PLXNA1: variants seen among roughly 807,000 people sequenced by gnomAD.
PLXNA1 encodes plexin A1.
PLXNA1 carries 77 observed loss-of-function variants against 191.7 expected under a neutral mutation model. That is an observed-to-expected ratio of 0.40 (90% CI 0.33 to 0.49). PLXNA1 has a LOEUF of 0.49. Among genes scored for constraint, PLXNA1 ranks in the 20% least tolerant of loss-of-function variants. The pLI is 0.63. For missense variants in PLXNA1, 2,110 were observed against 2,660.2 expected (o/e 0.79, Z 4.55); for synonymous variants, 1,137 against 1,156.4 (o/e 0.98, Z 0.34).
rs1313941332 is a variant in PLXNA1, at chr3:127,016,513, C to T, written c.3015-4C>T. On this transcript the variant is annotated splice_region_variant and splice_polypyrimidine_tract_variant and intron_variant, in intron 15 of 31. Transcript: ENST00000393409. The stretch of plus-strand genomic sequence containing the variant: ...TCCTCACTGTCCCACTCGGGCACCT[C>T]CAGGAGGAACTCCCGTGAGATCCGG... The T allele has an allele frequency of 1.2e-6, 2 of 1,613,358 alleles. No individual in the cohort carries two copies. The highest frequency in any genetic ancestry group is 1.7e-6 in the Non-Finnish European group (2 of 1,179,872).
intron 26 of PLXNA1, 38 bp downstream of exon 26, chr3:127,029,134 T>G: frequency 6.6e-7 from 1 of 1,505,514 alleles, no homozygotes; most frequent in Non-Finnish European, 9.2e-7. Context: ...CAGGCCTCCC[T>G]CCCCTTGGGG....
chr3:127,005,169 G>A lies in PLXNA1; in HGVS notation c.1823G>A (p.Ser608Asn). 6.2e-7 allele frequency: 1 copy of A among 1,612,652 alleles called. No homozygotes were observed. The highest frequency in any genetic ancestry group is 8.5e-7 in the Non-Finnish European group (1 of 1,179,914). ...CSFEDFTESE[S>N]VLEDGRIHCR... ...TTCGAGGACTTCACGGAATCTGAGAGCGTCCTGGAGGATGGCCGGATCCAC... is the reference window on the plus strand; with the variant it reads ...TTCGAGGACTTCACGGAATCTGAGAACGTCCTGGAGGATGGCCGGATCCAC... Residue 608 changes from serine (S) to asparagine (N), a missense_variant, in exon 7 of 32, where the codon AGC (serine) becomes AAC (asparagine). Ser to Asn is a conservative substitution (Grantham distance 46, BLOSUM62 1). This residue lies in a region of PLXNA1 where 903 missense variants were observed against 1,015.7 expected (regional missense o/e 0.89). Transcript: ENST00000393409.
At chr3:127,004,115 C>A (rs2079053881) in intron 4 of PLXNA1, among the ~76,000 whole-genome samples, 1 of 152,234 alleles carries the variant, frequency 6.6e-6, no homozygotes, top group African/African-American at 2.4e-5. Flanking sequence ...TTTCCTCTGC[C>A]CCTCCTGGGC....
Position 126,989,235 on chromosome 3 carries a change from C to T in PLXNA1, c.642C>T (p.Asp214=), listed in dbSNP as rs886820679. 7 of 1,613,550 alleles carry T rather than the reference C, an allele frequency of 4.3e-6. No individual in the cohort carries two copies. The highest frequency in any genetic ancestry group is 5.9e-6 in the Non-Finnish European group (7 of 1,180,058). ...RRLMANEEDA[D]MFGFVYQDEF... ...TCATGGCCAACGAGGAGGATGCCGA[C>T]ATGTTCGGCTTCGTGTACCAGGATG... Residue 214 remains aspartate, a synonymous_variant, in exon 2 of 32, where the codon GAC becomes GAT. Coordinates refer to ENST00000393409, the MANE Select transcript of PLXNA1 (RefSeq NM_032242.4).
intron 3 of PLXNA1, among the ~76,000 whole-genome samples, chr3:126,997,691 G>A (rs1370973348): frequency 2.6e-5 from 4 of 152,238 alleles, no homozygotes; most frequent in African/African-American, 4.8e-5. Flanking sequence ...TGCAGGGAGC[G>A]ACCTGCTGTT....
At chr3:127,027,165 G>A (rs923846491) in intron 23 of PLXNA1, 10 of 191,596 alleles carry the variant, frequency 5.2e-5, no homozygotes, top group Non-Finnish European at 1.1e-4. Flanking sequence ...GTCCACAAGG[G>A]CCCATGAAGA....
intron 14 of PLXNA1, 84 bp from the exon 15 acceptor site, chr3:127,015,100 G>A: frequency 7.2e-6 from 11 of 1,532,960 alleles, no homozygotes; most frequent in Non-Finnish European, 8.8e-6. Flanking sequence ...TGTCTGTGGG[G>A]GTAAGCAGGC....
At chr3:127,016,711 A>C (rs751975307) in intron 16 of PLXNA1, 27 bp downstream of exon 16, 4 of 1,612,066 alleles carry the variant, frequency 2.5e-6, no homozygotes, top group African/African-American at 1.3e-5. Context: ...CCCATTCCCT[A>C]TCCCCAGCTA....
At chr3:127,029,348 G>T in intron 26 of PLXNA1, 92 bp from the exon 27 acceptor site, 1 of 1,190,992 alleles carries the variant, frequency 8.4e-7, no homozygotes, top group South Asian at 1.2e-5. Flanking sequence ...CACAGCACTA[G>T]GGTGTCACCG....
intron 3 of PLXNA1, among the ~76,000 whole-genome samples, chr3:126,995,378 C>T (rs995129440): frequency 6.6e-6 from 1 of 152,354 alleles, no homozygotes; most frequent in East Asian, 1.9e-4. Context: ...GGTCCTGTAG[C>T]ATCAGCCCAA....
chr3:127,006,316 G>A, intron 8 of PLXNA1, 138 bp downstream of exon 8: 1 of 707,150 alleles, frequency 1.4e-6, no homozygotes, highest in South Asian at 1.7e-5. Context: ...CATGATTGGG[G>A]CTCCTGAGGC....
At chr3:127,020,169 G>T (rs891762) in intron 20 of PLXNA1, 33 bp from the exon 21 acceptor site, 1,027,109 of 1,606,480 alleles carry the variant, frequency 0.64, 337,347 homozygotes, top group Non-Finnish European at 0.68. Flanking sequence ...GGCCACCAGG[G>T]CATGCTGCCC....
chr3:127,022,514 G>A (rs1271646214), intron 22 of PLXNA1, among the ~76,000 whole-genome samples, 173 bp downstream of exon 22: 2 of 152,184 alleles, frequency 1.3e-5, no homozygotes, highest in Non-Finnish European at 2.9e-5. Context: ...TGATAGTGAG[G>A]ACCCAGGCTG....
chr3:127,006,278 C>T (rs2079068761), intron 8 of PLXNA1, 100 bp downstream of exon 8: 1 of 907,948 alleles, frequency 1.1e-6, no homozygotes. Context: ...GACCTGTCCT[C>T]ATGTGGCCAG....
chr3:127,003,900 C>T (rs561037623), intron 4 of PLXNA1, among the ~76,000 whole-genome samples: 231 of 152,284 alleles, frequency 1.5e-3, no homozygotes, highest in Non-Finnish European at 2.8e-3. Context: ...CTGTGGCTGG[C>T]CTGGTCTACC....
intron 15 of PLXNA1, among the ~76,000 whole-genome samples, chr3:127,016,154 G>T (rs534968449): frequency 6.6e-6 from 1 of 151,994 alleles, no homozygotes; most frequent in Non-Finnish European, 1.5e-5. Context: ...TGCGTGGGAC[G>T]GGCCTGCTGC....
rs116977419 is a variant in PLXNA1 at position 127,012,092 on chromosome 3, G to A, written c.2247G>A (p.Pro749=). 176 of 1,613,568 alleles carry A rather than the reference G, an allele frequency of 1.1e-4. No individual in the cohort carries two copies. In the African/African-American group the frequency reaches 1.9e-3, roughly 17 times the overall value. The part of the protein sequence containing the change: ...QRGYECLFHI[P]GSPARVTALR... ...GATATGAGTGCCTCTTCCACATCCC[G>A]GGCAGCCCGGCCCGTGTCACCGCCC... Residue 749 remains proline (P), a synonymous_variant, in exon 10 of 32, where the codon CCG becomes CCA. Transcript: ENST00000393409.
At chr3:127,011,831 C>T (rs2079097127) in intron 9 of PLXNA1, 127 bp from the exon 10 acceptor site, 2 of 878,668 alleles carry the variant, frequency 2.3e-6, no homozygotes, top group Admixed American at 3.8e-5. Flanking sequence ...TTTGCCAGTG[C>T]ATAAAATGGG....
At chr3:126,991,043 A>T (rs1031480468) in intron 2 of PLXNA1, among the ~76,000 whole-genome samples, 1 of 152,058 alleles carries the variant, frequency 6.6e-6, no homozygotes, top group Non-Finnish European at 1.5e-5. Context: ...TCTGCAGACA[A>T]GGACCATCTG....
Sources: allele counts gnomAD v4.1 joint callset (sites outside exome capture counted in the v4.1 genomes callset), GRCh38; gene constraint gnomAD v4.1.1; regional missense constraint gnomAD v4.1.1; transcripts MANE v1.5; gene names NCBI Gene and HGNC (gene_info 2026-07-23, HGNC 2026-07-21).